BAZ2B: variants seen among roughly 807,000 people sequenced by gnomAD.
BAZ2B encodes the protein bromodomain adjacent to zinc finger domain protein 2B.
BAZ2B carries 91 observed loss-of-function variants against 246.0 expected under a neutral mutation model. The observed-to-expected ratio is 0.37, with a 90% CI of 0.31 to 0.44. The LOEUF (loss-of-function observed/expected upper bound fraction) is 0.44, where lower values mean the gene tolerates loss of function less well. BAZ2B is among the 20% of genes least tolerant of loss of function. The pLI is 1.00. For synonymous variants in BAZ2B, 855 were observed against 860.0 expected (o/e 0.99, Z 0.10); for missense variants, 2,332 against 2,533.7 (o/e 0.92, Z 1.71).
At chr2:159,475,022 C>T (rs144299196) in intron 3 of BAZ2B, among the ~76,000 whole-genome samples, 195 of 152,240 alleles carry the variant, frequency 1.3e-3, no homozygotes, top group African/African-American at 4.5e-3. Context: ...GTGAATCTGA[C>T]GATTCTGTGT....
At chr2:159,469,821 A>T (rs1187186357) in intron 3 of BAZ2B, among the ~76,000 whole-genome samples, 1 of 151,894 alleles carries the variant, frequency 6.6e-6, no homozygotes, top group African/African-American at 2.4e-5. Flanking sequence ...AACAACCAAA[A>T]CTCTCCAGGC....
intron 8 of BAZ2B, among the ~76,000 whole-genome samples, chr2:159,436,131 TG>T (rs2072244710): frequency 1.3e-5 from 2 of 152,156 alleles, no homozygotes; most frequent in African/African-American, 4.8e-5. Context: ...AACATAATTA[TG>T]TCATGTAATA....
intron 8 of BAZ2B, chr2:159,434,889 A>T (rs2071900064): frequency 6.6e-6 from 1 of 152,042 alleles, no homozygotes; most frequent in African/African-American, 2.4e-5. Flanking sequence ...ATAAACAAAA[A>T]CTTATTTAAC....
chr2:159,667,370 T>A, the BAZ2B span, among the ~76,000 whole-genome samples: 1 of 151,898 alleles, frequency 6.6e-6, no homozygotes. Context: ...CCAAGGCAGG[T>A]GGATCACTTG....
At chr2:159,610,368 C>A (rs1356849884) in intron 1 of BAZ2B, among the ~76,000 whole-genome samples, 4 of 152,116 alleles carry the variant, frequency 2.6e-5, no homozygotes, top group Non-Finnish European at 5.9e-5. Flanking sequence ...TATTTATGTC[C>A]TAGCGAGTTA....
At chr2:159,504,740 GGAATCTCATAAA>G (rs2082161566) in intron 2 of BAZ2B, among the ~76,000 whole-genome samples, 1 of 152,038 alleles carries the variant, frequency 6.6e-6, no homozygotes, top group African/African-American at 2.4e-5. Context: ...GACATATATT[GGAATCTCATAAA>G]AGGCAAATAG....
chr2:159,609,614 T>G (rs904128083), intron 1 of BAZ2B, among the ~76,000 whole-genome samples: 3 of 152,336 alleles, frequency 2.0e-5, no homozygotes, highest in Admixed American at 6.5e-5. Flanking sequence ...AATCTAGGTT[T>G]GTTTGGTTGA....
the BAZ2B span, among the ~76,000 whole-genome samples, chr2:159,661,699 C>T: frequency 1.6e-4 from 24 of 151,842 alleles, no homozygotes; most frequent in Non-Finnish European, 2.9e-4. Flanking sequence ...TGTGTAAATT[C>T]CCATAATATA....
chr2:159,550,669 T>C (rs1196337484), intron 2 of BAZ2B, among the ~76,000 whole-genome samples: 1 of 152,138 alleles, frequency 6.6e-6, no homozygotes, highest in Non-Finnish European at 1.5e-5. Flanking sequence ...GGTAGGTACC[T>C]GACATTTTAA....
intron 17 of BAZ2B, among the ~76,000 whole-genome samples, chr2:159,400,160 G>C (rs1375563933): frequency 6.6e-6 from 1 of 152,166 alleles, no homozygotes. Context: ...TTGCAGGGAA[G>C]AGGGATATGC....
chr2:159,342,545 CA>C (rs1415041030), intron 31 of BAZ2B, among the ~76,000 whole-genome samples: 1 of 152,150 alleles, frequency 6.6e-6, no homozygotes, highest in Non-Finnish European at 1.5e-5. Flanking sequence ...CTTGGCCTCC[CA>C]AAGTTCTGGG....
intron 1 of BAZ2B, among the ~76,000 whole-genome samples, chr2:159,598,685 G>A (rs932734739): frequency 2.0e-4 from 31 of 151,900 alleles, no homozygotes; most frequent in African/African-American, 6.3e-4. Context: ...GGCCAACATG[G>A]TGAAGCCCTG....
chr2:159,678,079 G>A, the BAZ2B span, among the ~76,000 whole-genome samples: 2 of 152,326 alleles, frequency 1.3e-5, no homozygotes, highest in East Asian at 3.9e-4. Flanking sequence ...TGGAATGGCA[G>A]AGACTATGTG....
intron 1 of BAZ2B, among the ~76,000 whole-genome samples, chr2:159,584,352 C>T (rs568450359): frequency 2.1e-4 from 32 of 152,128 alleles, no homozygotes; most frequent in Non-Finnish European, 4.3e-4. Context: ...CATCTCTTGA[C>T]CTCATGATCC....
chr2:159,428,685 TTCAG>T (rs1253440670), intron 11 of BAZ2B, among the ~76,000 whole-genome samples: 1 of 152,150 alleles, frequency 6.6e-6, no homozygotes, highest in Non-Finnish European at 1.5e-5. Flanking sequence ...ACTCTGACAT[TTCAG>T]TAACATGTTA....
intron 1 of BAZ2B, among the ~76,000 whole-genome samples, chr2:159,573,035 C>T (rs1684405981): frequency 1.3e-5 from 2 of 151,848 alleles, no homozygotes; most frequent in South Asian, 4.1e-4. Context: ...AAAAGAGGAC[C>T]AGAAAGTGGG....
chr2:159,596,567 G>C (rs1690765703), intron 1 of BAZ2B, among the ~76,000 whole-genome samples: 1 of 151,856 alleles, frequency 6.6e-6, no homozygotes, highest in Admixed American at 6.6e-5. Flanking sequence ...TAGGGCATTG[G>C]GGAACAGGTG....
At chr2:159,704,192 A>G in the BAZ2B span, among the ~76,000 whole-genome samples, 4 of 152,240 alleles carry the variant, frequency 2.6e-5, no homozygotes, top group Non-Finnish European at 4.4e-5. Flanking sequence ...GTTAAGCAGT[A>G]CATATGTCAT....
At chr2:159,503,190 A>G (rs149229449) in intron 2 of BAZ2B, among the ~76,000 whole-genome samples, 3 of 152,306 alleles carry the variant, frequency 2.0e-5, no homozygotes, top group African/African-American at 7.2e-5. Context: ...TATCACCTGT[A>G]TGATAAAATC....
Sources: allele counts gnomAD v4.1 joint callset (sites outside exome capture counted in the v4.1 genomes callset), GRCh38; gene constraint gnomAD v4.1.1; transcripts MANE v1.5; gene names NCBI Gene and HGNC (gene_info 2026-07-23, HGNC 2026-07-21).